PIGN: variants seen among roughly 807,000 people sequenced by gnomAD.
PIGN encodes the protein phosphatidylinositol glycan anchor biosynthesis class N, also known as GPI ethanolamine phosphate transferase 1.
A neutral mutation model predicts 125.4 loss-of-function variants in PIGN; 117 were observed. The observed-to-expected ratio is 0.93, with a 90% confidence interval of 0.80 to 1.09. The LOEUF (loss-of-function observed/expected upper bound fraction) is 1.09. Among genes scored for constraint, PIGN ranks in the 50% least tolerant of loss-of-function variants. The pLI is 0.00. For synonymous variants in PIGN, 392 were observed against 377.8 expected (o/e 1.04, Z -0.44); for missense variants, 1,075 against 1,094.9 (o/e 0.98, Z 0.26).
intron 23 of PIGN, among the ~76,000 whole-genome samples, chr18:62,024,864 C>A (rs576162184): frequency 4.6e-5 from 7 of 152,282 alleles, no homozygotes; most frequent in African/African-American, 1.7e-4. Flanking sequence ...TGATTATGAT[C>A]ATATATGTGC....
intron 23 of PIGN, among the ~76,000 whole-genome samples, chr18:62,092,781 A>G (rs2034021743): frequency 6.6e-6 from 1 of 152,064 alleles, no homozygotes; most frequent in Non-Finnish European, 1.5e-5. Context: ...TATTTTTCCA[A>G]TGATTTTTTA....
intron 7 of PIGN, 54 bp from the exon 8 acceptor site, chr18:62,148,392 AT>A: frequency 8.5e-7 from 1 of 1,181,648 alleles, no homozygotes; most frequent in Non-Finnish European, 1.2e-6. Context: ...TATTTTAAAA[AT>A]AATACTGATG....
chr18:62,157,763 A>C lies in PIGN; in HGVS notation c.267T>G (p.Arg89=). The C allele has an allele frequency of 6.2e-7, 1 of 1,612,584 alleles. No individual in the cohort carries two copies. The highest frequency in any genetic ancestry group is 8.5e-7 in the Non-Finnish European group (1 of 1,179,110). Residue 89 remains arginine (R), a synonymous_variant, in exon 5 of 31, where the codon CGT becomes CGG. Coordinates refer to ENST00000640252, the MANE Select transcript of PIGN (RefSeq NM_176787.5). ...HEGSWGISHT[R]VPTESRPGHV... Reference sequence around the variant, plus strand: ...GACCTGGCCGAGATTCTGTTGGCACACGTGTATGAGATATGCCCCAGCTGC... The same window carrying C: ...GACCTGGCCGAGATTCTGTTGGCACCCGTGTATGAGATATGCCCCAGCTGC...
chr18:62,079,135 T>G (rs963174963), intron 28 of PIGN, among the ~76,000 whole-genome samples: 2 of 152,244 alleles, frequency 1.3e-5, no homozygotes, highest in Non-Finnish European at 2.9e-5. Flanking sequence ...TCATGCCCTT[T>G]GTATGTTTCA....
intron 24 of PIGN, among the ~76,000 whole-genome samples, chr18:62,089,763 G>A (rs1444623257): frequency 2.0e-5 from 3 of 152,016 alleles, no homozygotes; most frequent in Admixed American, 6.6e-5. Flanking sequence ...GCCATATAAC[G>A]ATGGATCAAC....
chr18:62,157,650 AT>A, intron 5 of PIGN, 36 bp downstream of exon 5: 1 of 1,583,450 alleles, frequency 6.3e-7, no homozygotes, highest in Non-Finnish European at 8.6e-7. Context: ...TACTTGACAA[AT>A]TTTTCATTTC....
intron 11 of PIGN, among the ~76,000 whole-genome samples, chr18:62,142,731 G>A (rs141023423): frequency 1.3e-5 from 2 of 152,254 alleles, no homozygotes; most frequent in East Asian, 3.9e-4. Flanking sequence ...TGGCTATTAA[G>A]GTAGCATGTT....
chr18:62,086,816 G>A (rs540616991), intron 25 of PIGN, among the ~76,000 whole-genome samples: 2 of 152,254 alleles, frequency 1.3e-5, no homozygotes, highest in South Asian at 2.1e-4. Context: ...AATGTGAACT[G>A]ATGCAGTGGG....
At chr18:62,061,605 G>A (rs1462249073) in intron 30 of PIGN, among the ~76,000 whole-genome samples, 3 of 151,006 alleles carry the variant, frequency 2.0e-5, no homozygotes, top group African/African-American at 7.3e-5. Context: ...TGGAATGGCT[G>A]AAATCGCTAA....
chr18:62,052,013 T>G lies in PIGN; in HGVS notation c.2673-6034A>C, dbSNP rs532667640. On this transcript the variant is annotated intron_variant, in intron 30 of 30. Coordinates refer to ENST00000640252, the MANE Select transcript of PIGN (RefSeq NM_176787.5). The stretch of plus-strand genomic sequence containing the variant: ...CAGTTTCCATGTAGTTGAGTGGTTT[T>G]GAGTGAGTTTCTTAATCCTGAGTTC... The G allele has an allele frequency of 4.6e-5, 7 of 152,366 alleles. No individual in the cohort carries two copies. In the East Asian group the frequency reaches 1.3e-3, roughly 29 times the overall value. 9.4% of individuals were successfully genotyped at this position (152,366 alleles called of 1,614,324 possible). A position where few individuals can be genotyped will look rare whatever the true frequency, so the allele number is the denominator to read the frequency against.
intron 1 of PIGN, among the ~76,000 whole-genome samples, chr18:62,175,805 T>A (rs777241285): frequency 1.3e-5 from 2 of 152,194 alleles, no homozygotes; most frequent in African/African-American, 2.4e-5. Context: ...GAACTTTATT[T>A]ATTTTCCCCC....
chr18:62,125,893 T>A (rs2035518127), intron 14 of PIGN, among the ~76,000 whole-genome samples: 1 of 152,010 alleles, frequency 6.6e-6, no homozygotes, highest in Non-Finnish European at 1.5e-5. Flanking sequence ...TTTCATGACA[T>A]CATACATAAC....
intron 23 of PIGN, among the ~76,000 whole-genome samples, chr18:62,093,023 T>C (rs538708015): frequency 6.6e-6 from 1 of 152,210 alleles, no homozygotes; most frequent in Admixed American, 6.5e-5. Flanking sequence ...TATAACTCTA[T>C]TGTACACTAG....
In PIGN at chr18:62,107,115, T is replaced by G. The variant is rs373891935; in HGVS notation, c.1575-30A>C. 13 of 1,395,810 alleles carry G rather than the reference T, an allele frequency of 9.3e-6. No individual in the cohort carries two copies. In the East Asian group the frequency reaches 9.9e-5, roughly 11 times the overall value. 86.5% of individuals were successfully genotyped at this position (1,395,810 alleles called of 1,614,324 possible). On this transcript the variant is annotated intron_variant, in intron 17 of 30. Coordinates refer to ENST00000640252, the MANE Select transcript of PIGN (RefSeq NM_176787.5). ...TTCAAATAAAAAGACTGATTGAATT[T>G]TAAAGTTAGGTCATACATAGTATAA...
chr18:62,037,691 G>A (rs2030278838), downstream of PIGN, among the ~76,000 whole-genome samples: 1 of 152,178 alleles, frequency 6.6e-6, no homozygotes, highest in South Asian at 2.1e-4. Context: ...AGAGACCTTT[G>A]AGGGGAGGGC....
chr18:62,105,510 T>C, intron 20 of PIGN, 33 bp downstream of exon 20: 1 of 1,255,570 alleles, frequency 8.0e-7, no homozygotes. Context: ...AAAAGTGTAT[T>C]GAAAATAGAA....
At chr18:62,090,408 T>C (rs1040941410) in intron 24 of PIGN, 68 bp downstream of exon 24, 63 of 830,540 alleles carry the variant, frequency 7.6e-5, no homozygotes, top group Non-Finnish European at 1.0e-4. Flanking sequence ...TGAAATAATA[T>C]TGCAACTTCC....
At chr18:62,185,334 T>G (rs912991502) in intron 1 of PIGN, among the ~76,000 whole-genome samples, 6 of 152,192 alleles carry the variant, frequency 3.9e-5, no homozygotes, top group Non-Finnish European at 7.3e-5. Flanking sequence ...TTACTTTTAA[T>G]ATATGGCACA....
chr18:62,045,786 T>C lies in PIGN; in HGVS notation c.*70A>G, dbSNP rs2030627477. 3 of 1,507,212 alleles carry C rather than the reference T, an allele frequency of 2.0e-6. No individual in the cohort carries two copies. The highest frequency in any genetic ancestry group is 2.7e-6 in the Non-Finnish European group (3 of 1,091,794). 93.4% of individuals were successfully genotyped at this position (1,507,212 alleles called of 1,614,324 possible). A position where few individuals can be genotyped will look rare whatever the true frequency, so the allele number is the denominator to read the frequency against. ...TATATATCCATATCCATCTTCTTAT[T>C]GAAGCCTTGATGAGATTTTAGCTTA... On this transcript the variant is annotated 3_prime_UTR_variant, in exon 31 of 31. Coordinates refer to ENST00000640252, the MANE Select transcript of PIGN (RefSeq NM_176787.5).
Sources: gnomAD v4.1 joint callset for allele counts (sites outside exome capture counted in the v4.1 genomes callset) on GRCh38, gnomAD v4.1.1 for gene constraint, MANE v1.5 for transcripts, NCBI Gene and HGNC (gene_info 2026-07-23, HGNC 2026-07-21) for gene names.